Variants in LRRC37A3 observed in about 807,000 individuals in gnomAD.
LRRC37A3 encodes leucine rich repeat containing 37 member A3.
LRRC37A3 carries 25 observed loss-of-function variants against 106.2 expected under a neutral mutation model. That is an observed-to-expected ratio of 0.24 (90% confidence interval 0.17 to 0.33). The LOEUF (loss-of-function observed/expected upper bound fraction) is 0.33, where lower values mean the gene tolerates loss of function less well. Among genes scored for constraint, LRRC37A3 ranks in the 10% least tolerant of loss-of-function variants. LRRC37A3 has a pLI of 1.00. For synonymous variants in LRRC37A3, 305 were observed against 635.8 expected (o/e 0.48, Z 7.83); for missense variants, 712 against 1,644.9 (o/e 0.43, Z 9.81).
chr17:64,861,060 A>G, intron 11 of LRRC37A3, 87 bp from the exon 12 acceptor site: 1 of 1,601,574 alleles, frequency 6.2e-7, no homozygotes, highest in Non-Finnish European at 8.5e-7. Flanking sequence ...AGTCACACAG[A>G]GTAGGAGTCA....
At chr17:64,878,370 A>G (rs1216416882) in intron 8 of LRRC37A3, among the ~76,000 whole-genome samples, 4 of 152,228 alleles carry the variant, frequency 2.6e-5, no homozygotes, top group African/African-American at 9.6e-5. Flanking sequence ...TTTGTGCATC[A>G]AAGGACACTG....
chr17:64,870,222 C>T (rs1165857795), intron 8 of LRRC37A3, among the ~76,000 whole-genome samples: 1 of 151,938 alleles, frequency 6.6e-6, no homozygotes, highest in Admixed American at 6.6e-5. Flanking sequence ...TCCCAAGTAG[C>T]TGGGATTACA....
At position 64,860,867 on chromosome 17, in the gene LRRC37A3, T is replaced by C; in HGVS notation, c.3279A>G (p.Ser1093=). 6.2e-7 allele frequency: 1 copy of C among 1,614,228 alleles called. No individual in the cohort carries two copies. Among genetic ancestry groups the C allele is most frequent in the South Asian group, 1.1e-5 (1 of 91,088 alleles). The change falls in exon 12 of 15, where the codon TCA becomes TCG. Residue 1093 remains serine (S), a synonymous_variant. Coordinates refer to ENST00000584306, the MANE Select transcript of LRRC37A3 (RefSeq NM_199340.5). ...CTGACAAGTTGATGCCACTGCTGTC[T>C]GAGGGCTCCTCCGGCTCAATAATCA... ...TELIIEPEEP[S]DSSGINLSGF...
intron 8 of LRRC37A3, among the ~76,000 whole-genome samples, chr17:64,874,649 A>C (rs1379839513): frequency 2.6e-5 from 4 of 152,274 alleles, no homozygotes; most frequent in Non-Finnish European, 5.9e-5. Flanking sequence ...GTTTTGTTGA[A>C]TAGAAAAGGG....
Position 64,883,144 on chromosome 17 carries a change from G to T in LRRC37A3, c.2906+2942C>A, listed in dbSNP as rs965017167. On this transcript the variant is annotated intron_variant, in intron 8 of 14. Transcript: ENST00000584306. Reference sequence around the variant, plus strand: ...CAGTGAGGGGCTTTGATAGTTAGCCGCCTGGTCCTTCTTGCTTGGATGCCC... The same window carrying T: ...CAGTGAGGGGCTTTGATAGTTAGCCTCCTGGTCCTTCTTGCTTGGATGCCC... 2.6e-5 allele frequency among the ~76,000 whole-genome samples: 4 copies of T among 152,280 alleles called. No homozygotes were observed. In the East Asian group the frequency reaches 7.7e-4, roughly 29 times the overall value.
At position 64,858,819 on chromosome 17, in the gene LRRC37A3, C is replaced by G. The variant is rs28532307; in HGVS notation, c.4769G>C (p.Gly1590Ala). Residue 1590 changes from glycine to alanine, a missense_variant, in exon 13 of 15, where the codon GGA becomes GCA. By Grantham distance (60) the Gly-to-Ala change is moderately conservative. Coordinates refer to ENST00000584306, the MANE Select transcript of LRRC37A3 (RefSeq NM_199340.5). ...AAGTATAATCAAAATCGTTAGTATTCCAGTCACAATTAACGCCAAGATGAG... is the reference window on the plus strand; with the variant it reads ...AAGTATAATCAAAATCGTTAGTATTGCAGTCACAATTAACGCCAAGATGAG... ...KKLILALIVTGILTILIILLC... is the reference protein window; with the variant it reads ...KKLILALIVTAILTILIILLC... 13,350 of 1,613,222 alleles carry G rather than the reference C, an allele frequency of 8.3e-3. 1,016 individuals carry two copies. In the African/African-American group the frequency reaches 0.16, roughly 19 times the overall value.
At chr17:64,875,091 A>AT (rs1378315386) in intron 8 of LRRC37A3, among the ~76,000 whole-genome samples, 2 of 152,108 alleles carry the variant, frequency 1.3e-5, no homozygotes, top group Non-Finnish European at 1.5e-5. Context: ...AGAATGATCA[A>AT]TAAAAAAAAT....
chr17:64,890,723 G>A lies in LRRC37A3; in HGVS notation c.2682-971C>T, dbSNP rs1243524372. Among the ~76,000 whole-genome samples, 14 of 146,580 alleles carry A rather than the reference G, an allele frequency of 9.6e-5. 3 individuals carry two copies. The highest frequency in any genetic ancestry group is 3.0e-4 in the African/African-American group (11 of 36,116). On this transcript the variant is annotated intron_variant, in intron 5 of 14. Coordinates refer to ENST00000584306, the MANE Select transcript of LRRC37A3 (RefSeq NM_199340.5). ...GGAGGGCACCTGTAATTCCAGCTAC[G>A]CGGGAGGCTGAGGCAGGAGAATCCC... is the stretch of plus-strand genomic sequence containing the variant.
At chr17:64,917,267 A>G (rs1330548216) in intron 2 of LRRC37A3, among the ~76,000 whole-genome samples, 1 of 151,552 alleles carries the variant, frequency 6.6e-6, no homozygotes, top group East Asian at 1.9e-4. Context: ...AAAAAAAAAA[A>G]AAACCTGAAA....
intron 10 of LRRC37A3, among the ~76,000 whole-genome samples, chr17:64,866,657 G>T (rs1268490241): frequency 2.1e-5 from 2 of 93,502 alleles, no homozygotes; most frequent in Non-Finnish European, 4.0e-5. Context: ...TTTAGACAGG[G>T]TCTTGCTCTG....
At position 64,860,117 on chromosome 17, in the gene LRRC37A3, C is replaced by T. The variant is rs555242552; in HGVS notation, c.4029G>A (p.Pro1343=). Residue 1343 remains proline, a synonymous_variant, in exon 12 of 15, where the codon CCG becomes CCA. Transcript: ENST00000584306. ...LSRLMLSNRL[P]FSAAKSLINS... is the part of the protein sequence containing the mutation. Reference sequence around the variant, plus strand: ...TTATGAGGCTCTTCGCTGCAGAGAACGGAAGCCTGTTTGAGAGCATCAGTC... The same window carrying T: ...TTATGAGGCTCTTCGCTGCAGAGAATGGAAGCCTGTTTGAGAGCATCAGTC... 699 of 1,613,936 alleles carry T rather than the reference C, an allele frequency of 4.3e-4. 5 individuals are homozygous for T. In the South Asian group the frequency reaches 6.5e-3, roughly 15 times the overall value.
At chr17:64,873,056 C>T (rs1973374522) in intron 8 of LRRC37A3, among the ~76,000 whole-genome samples, 1 of 152,010 alleles carries the variant, frequency 6.6e-6, no homozygotes, top group Non-Finnish European at 1.5e-5. Context: ...TTAGTGGGAA[C>T]ACATGACATA....
chr17:64,863,107 G>A, intron 10 of LRRC37A3, 89 bp from the exon 11 acceptor site: 2 of 1,553,140 alleles, frequency 1.3e-6, no homozygotes, highest in Non-Finnish European at 1.8e-6. Context: ...ACAGGGGTGG[G>A]AAAAAGGTAT....
intron 8 of LRRC37A3, among the ~76,000 whole-genome samples, chr17:64,869,532 ATTTTTTTT>A (rs1157660467): frequency 9.6e-5 from 12 of 125,122 alleles, no homozygotes; most frequent in African/African-American, 3.9e-4. Flanking sequence ...TTGTTCATCT[ATTTTTTTT>A]TTTTTTTTTT....
intron 5 of LRRC37A3, among the ~76,000 whole-genome samples, chr17:64,890,314 C>T (rs1973918377): frequency 7.8e-6 from 1 of 127,638 alleles, no homozygotes; most frequent in African/African-American, 4.2e-5. Context: ...AGTGATCCTC[C>T]TGTGTCTGCT....
At chr17:64,917,010 C>A (rs1365767547) in intron 2 of LRRC37A3, among the ~76,000 whole-genome samples, 4 of 151,310 alleles carry the variant, frequency 2.6e-5, no homozygotes, top group Admixed American at 1.3e-4. Context: ...CTTTGGGAGG[C>A]CGAGGCGGGC....
At chr17:64,910,950 GCTTT>G (rs1974576922) in intron 2 of LRRC37A3, among the ~76,000 whole-genome samples, 2 of 151,710 alleles carry the variant, frequency 1.3e-5, no homozygotes, top group African/African-American at 2.4e-5. Flanking sequence ...CCTATAGAGT[GCTTT>G]CTATTTGCCA....
intron 8 of LRRC37A3, among the ~76,000 whole-genome samples, chr17:64,882,713 TG>T (rs1429285923): frequency 1.3e-5 from 2 of 151,644 alleles, no homozygotes; most frequent in Admixed American, 6.6e-5. Context: ...CATCACAGTG[TG>T]GCCACACCTA....
chr17:64,867,526 G>A (rs1330964780), intron 10 of LRRC37A3, among the ~76,000 whole-genome samples: 1 of 151,980 alleles, frequency 6.6e-6, no homozygotes, highest in African/African-American at 2.4e-5. Flanking sequence ...TTTATGAAAT[G>A]ACATAATGTT....
Sources: allele counts gnomAD v4.1 joint callset (sites outside exome capture counted in the v4.1 genomes callset), GRCh38; gene constraint gnomAD v4.1.1; transcripts MANE v1.5; gene names NCBI Gene and HGNC (gene_info 2026-07-23, HGNC 2026-07-21).